The following CORO1C variants were observed in gnomAD, a reference collection of about 807,000 sequenced individuals.
CORO1C encodes coronin 1C, also known as coronin-1C.
Under a neutral mutation model 51.2 loss-of-function variants are expected in CORO1C, and 14 were observed. That is an observed-to-expected ratio of 0.27 (90% confidence interval 0.18 to 0.43). The LOEUF (loss-of-function observed/expected upper bound fraction) is 0.43, where lower values mean the gene tolerates loss of function less well. Among genes scored for constraint, CORO1C ranks in the 20% least tolerant of loss-of-function variants. CORO1C has a pLI of 1.00. For synonymous variants in CORO1C, 181 were observed against 210.5 expected, an observed-to-expected ratio of 0.86 and a Z score of 1.21; for missense variants, 417 against 607.8, an observed-to-expected ratio of 0.69 and a Z score of 3.30.
intron 1 of CORO1C, chr12:108,703,016 T>C (rs980122642): frequency 2.6e-5 from 36 of 1,372,424 alleles, no homozygotes; most frequent in Non-Finnish European, 3.3e-5. Context: ...GGAATCAATA[T>C]GAATACTTCT....
At chr12:108,714,851 T>C (rs2035284136) in intron 1 of CORO1C, among the ~76,000 whole-genome samples, 1 of 152,206 alleles carries the variant, frequency 6.6e-6, no homozygotes, top group African/African-American at 2.4e-5. Flanking sequence ...TATTTACATT[T>C]TATAATCTAT....
chr12:108,700,135 T>A (rs1052963301), intron 2 of CORO1C, among the ~76,000 whole-genome samples: 4 of 152,112 alleles, frequency 2.6e-5, no homozygotes, highest in Admixed American at 1.3e-4. Context: ...ACCCTGAATA[T>A]AAGGGGCTCA....
At chr12:108,661,709 A>G (rs1362124879) in intron 4 of CORO1C, among the ~76,000 whole-genome samples, 2 of 152,118 alleles carry the variant, frequency 1.3e-5, no homozygotes, top group Non-Finnish European at 2.9e-5. Context: ...AACAAAGTAC[A>G]CCTTCTACCA....
chr12:108,703,106 C>T (rs2034926668), intron 1 of CORO1C: 4 of 607,070 alleles, frequency 6.6e-6, no homozygotes, highest in East Asian at 3.1e-5. Flanking sequence ...AGCCAACGTA[C>T]AGCCAGCTGG....
chr12:108,652,446 CTGAT>C (rs749530545), intron 7 of CORO1C, 29 bp from the exon 8 acceptor site: 1 of 1,600,044 alleles, frequency 6.2e-7, no homozygotes, highest in Non-Finnish European at 8.6e-7. Context: ...AAGTCTGTGT[CTGAT>C]TGTTAACTGA....
At chr12:108,654,259 G>T in intron 7 of CORO1C, 47 bp downstream of exon 7, 1 of 1,192,050 alleles carries the variant, frequency 8.4e-7, no homozygotes, top group Non-Finnish European at 1.3e-6. Flanking sequence ...AAGGATAAAT[G>T]TTTCCACTTA....
chr12:108,649,537 T>C (rs933544524), intron 8 of CORO1C: 1 of 161,328 alleles, frequency 6.2e-6, no homozygotes, highest in African/African-American at 2.4e-5. Flanking sequence ...ACATCGTACA[T>C]GACACTCAAG....
Position 108,658,593 on chromosome 12 carries a change from C to A in CORO1C, c.630+145G>T. 1.5e-6 allele frequency: 1 copy of A among 664,986 alleles called. No homozygotes were observed. The highest frequency in any genetic ancestry group is 2.4e-6 in the Non-Finnish European group (1 of 415,770). 41.2% of individuals were successfully genotyped at this position (664,986 alleles called of 1,614,324 possible). A position where few individuals can be genotyped will look rare whatever the true frequency, so the allele number is the denominator to read the frequency against. ...AGAAGCACAACTGGGGAGACAGAAG[C>A]CTTTATAAGCCTTCTCTTATTCACA... is the stretch of plus-strand genomic sequence containing the variant. On this transcript the variant is annotated intron_variant, in intron 5 of 10. Transcript: ENST00000261401. The surrounding 1 kb of genome is among the most constrained non-coding windows in gnomAD (Gnocchi z 4.9).
chr12:108,670,759 T>C (rs913892583), intron 3 of CORO1C, among the ~76,000 whole-genome samples: 26 of 152,112 alleles, frequency 1.7e-4, no homozygotes, highest in Non-Finnish European at 8.8e-5. Flanking sequence ...AAGATCCCTT[T>C]AGACAATATA....
At chr12:108,726,219 C>T (rs1370077705) in intron 1 of CORO1C, among the ~76,000 whole-genome samples, 1 of 152,028 alleles carries the variant, frequency 6.6e-6, no homozygotes, top group African/African-American at 2.4e-5. Context: ...AGATCGAGAT[C>T]ATCCTGGCTA....
rs1296059268 is a variant in CORO1C, at chr12:108,647,459, T to G, written c.1369A>C (p.Asn457His). The G allele has an allele frequency of 6.2e-7, 1 of 1,612,020 alleles. No individual in the cohort carries two copies. Among genetic ancestry groups the G allele is most frequent in the African/African-American group, 1.3e-5 (1 of 74,886 alleles). Residue 457 changes from asparagine (N) to histidine (H), a missense_variant, in exon 11 of 11, where the codon AAT becomes CAT. By Grantham distance (68) the Asn-to-His change is moderately conservative. Transcript: ENST00000261401. ...AACTTGGAAATACGCTCATCTTGAT[T>G]GCAGATTGTGTCTTTTATAGATTTG... ...EIKSIKDTICNQDERISKLEQ... is the reference protein window; with the variant it reads ...EIKSIKDTICHQDERISKLEQ...
At chr12:108,710,111 C>T (rs1021592141) in intron 1 of CORO1C, among the ~76,000 whole-genome samples, 2 of 152,172 alleles carry the variant, frequency 1.3e-5, no homozygotes, top group Non-Finnish European at 2.9e-5. Context: ...CTCCTATTTT[C>T]CAATACAACA....
chr12:108,651,515 G>A (rs1281319146), intron 8 of CORO1C, among the ~76,000 whole-genome samples: 2 of 152,102 alleles, frequency 1.3e-5, no homozygotes, highest in East Asian at 3.9e-4. Flanking sequence ...TAGGACCTTT[G>A]GTTTCTCTAT....
intron 2 of CORO1C, among the ~76,000 whole-genome samples, chr12:108,692,922 C>G (rs117459536): frequency 0.052 from 7,870 of 151,738 alleles, 288 homozygotes; most frequent in Non-Finnish European, 0.075. Flanking sequence ...CTCAGCCTCC[C>G]GATTAGCTGC....
At chr12:108,687,070 A>C (rs1281644713) in intron 2 of CORO1C, among the ~76,000 whole-genome samples, 2 of 152,218 alleles carry the variant, frequency 1.3e-5, no homozygotes, top group East Asian at 3.8e-4. Flanking sequence ...ATCTTGAAGT[A>C]GCTACAACAC....
chr12:108,714,808 AC>A (rs2035283143), intron 1 of CORO1C, among the ~76,000 whole-genome samples: 1 of 152,170 alleles, frequency 6.6e-6, no homozygotes, highest in Non-Finnish European at 1.5e-5. Context: ...GAGGTATCAT[AC>A]TTTTTAAAGT....
chr12:108,692,789 C>G (rs1012254791), intron 2 of CORO1C, among the ~76,000 whole-genome samples: 6 of 138,942 alleles, frequency 4.3e-5, no homozygotes, highest in Non-Finnish European at 9.1e-5. Flanking sequence ...TCCATTAGAC[C>G]ACAGCTTTTT....
At chr12:108,706,586 T>A (rs1426736188) in intron 1 of CORO1C, among the ~76,000 whole-genome samples, 1 of 152,174 alleles carries the variant, frequency 6.6e-6, no homozygotes, top group Non-Finnish European at 1.5e-5. Flanking sequence ...GATACAAGAT[T>A]AATATATAAA....
Position 108,716,127 on chromosome 12 carries a change from CAAAAAAAAAAA to C in CORO1C, c.-5-14815_-5-14805del, listed in dbSNP as rs61278729. 3.4e-4 allele frequency among the ~76,000 whole-genome samples: 14 copies of C among 41,092 alleles called. 1 individual carries two copies. The highest frequency in any genetic ancestry group is 1.9e-3 in the Admixed American group (4 of 2,112). 27.0% of individuals were successfully genotyped at this position (41,092 alleles called of 152,430 possible). On this transcript the variant is annotated intron_variant, in intron 1 of 10. Transcript: ENST00000261401. ...TTGGCAATAGAACGAGACTCTGTCG[CAAAAAAAAAAA>C]AAAAAAAAAAAAAAAAAAAATCCTT...
Sources: gnomAD v4.1 joint callset for allele counts (sites outside exome capture counted in the v4.1 genomes callset) on GRCh38, gnomAD v4.1.1 for gene constraint, Gnocchi (gnomAD v3.1) non-coding constraint, MANE v1.5 for transcripts, NCBI Gene and HGNC (gene_info 2026-07-23, HGNC 2026-07-21) for gene names.